TSPAN15: variants seen among roughly 807,000 people sequenced by gnomAD.
The protein encoded by TSPAN15 is tetraspanin-15.
Under a neutral mutation model 34.5 loss-of-function variants are expected in TSPAN15, and 20 were observed. The observed-to-expected ratio is 0.58, with a 90% confidence interval of 0.41 to 0.84. TSPAN15 has a LOEUF of 0.84. Among genes scored for constraint, TSPAN15 ranks in the 40% least tolerant of loss-of-function variants. TSPAN15 has a pLI of 0.00. For missense variants in TSPAN15, 313 were observed against 386.1 expected, an observed-to-expected ratio of 0.81 and a Z score of 1.59; for synonymous variants, 155 against 153.9, an observed-to-expected ratio of 1.01 and a Z score of -0.05.
At chr10:69,508,214 T>C (rs1182949226), downstream of TSPAN15, among the ~76,000 whole-genome samples, 1 of 150,960 alleles carries the variant, frequency 6.6e-6, no homozygotes, top group African/African-American at 2.4e-5. Context: ...GAGGCTGAGG[T>C]GGGCCATCAC....
intron 1 of TSPAN15, among the ~76,000 whole-genome samples, chr10:69,482,776 C>T (rs1841762646): frequency 6.6e-6 from 1 of 152,152 alleles, no homozygotes; most frequent in African/African-American, 2.4e-5. Flanking sequence ...TGTTCTCTGA[C>T]CCTCCAGCCA....
In TSPAN15 at chr10:69,498,380, G is replaced by A. The variant is rs1564614695; in HGVS notation, c.554G>A (p.Cys185Tyr). The part of the protein sequence containing the change: ...GPLACGVPYT[C>Y]CIRNTTEVVN... ...CTGGCCTGTGGGGTGCCCTACACCT[G>A]CTGCATCAGGAACACGGTAGACACT... The change falls in exon 5 of 8, where the codon TGC (cysteine) becomes TAC (tyrosine). Residue 185 changes from cysteine to tyrosine, a missense_variant. By Grantham distance (194) the Cys-to-Tyr change is radical. Coordinates refer to ENST00000373290, the MANE Select transcript of TSPAN15 (RefSeq NM_012339.5). 4.3e-6 allele frequency: 7 copies of A among 1,613,972 alleles called. No homozygotes were observed. The highest frequency in any genetic ancestry group is 5.9e-6 in the Non-Finnish European group (7 of 1,179,908).
chr10:69,520,504 A>G, the TSPAN15 span, among the ~76,000 whole-genome samples: 1 of 152,166 alleles, frequency 6.6e-6, no homozygotes, highest in Non-Finnish European at 1.5e-5. Context: ...AAAAAATACA[A>G]AAATTAGCAG....
chr10:69,512,469 C>T (rs140294993), downstream of TSPAN15, among the ~76,000 whole-genome samples: 144 of 152,234 alleles, frequency 9.5e-4, no homozygotes, highest in African/African-American at 3.1e-3. Context: ...AAATAAACTG[C>T]GTGTATTTAA....
chr10:69,476,960 G>A (rs1427156661), intron 1 of TSPAN15, among the ~76,000 whole-genome samples: 1 of 152,076 alleles, frequency 6.6e-6, no homozygotes, highest in East Asian at 1.9e-4. Flanking sequence ...TGGATTGGGG[G>A]CACTGCCAGG....
chr10:69,530,779 A>ACTCTCTCT, the TSPAN15 span, among the ~76,000 whole-genome samples: 75 of 49,952 alleles, frequency 1.5e-3, 3 homozygotes, highest in African/African-American at 2.3e-3. Context: ...ACAGAGTGAG[A>ACTCTCTCT]CTCTCTCTCT....
At chr10:69,548,795 ATTCT>A in the TSPAN15 span, among the ~76,000 whole-genome samples, 1 of 152,292 alleles carries the variant, frequency 6.6e-6, no homozygotes, top group East Asian at 1.9e-4. Context: ...AGATAAAAAG[ATTCT>A]TAGAGTTCAC....
At chr10:69,514,358 A>G in the TSPAN15 span, among the ~76,000 whole-genome samples, 1 of 152,222 alleles carries the variant, frequency 6.6e-6, no homozygotes, top group Non-Finnish European at 1.5e-5. Flanking sequence ...TATCAGAGTC[A>G]TGCTGGCTTC....
rs774851861 is a variant in TSPAN15 at position 69,485,145 on chromosome 10, T to G, written c.287T>G (p.Met96Arg). The G allele has an allele frequency of 1.2e-6, 2 of 1,614,052 alleles. No homozygotes were observed. Among genetic ancestry groups the G allele is most frequent in the South Asian group, 2.2e-5 (2 of 91,092 alleles). The change falls in exon 3 of 8, where the codon ATG becomes AGG. Residue 96 changes from methionine to arginine, a missense_variant. Coordinates refer to ENST00000373290, the MANE Select transcript of TSPAN15 (RefSeq NM_012339.5). ...TCTCTGAATTCTGTTTTCCAGTTCATGTACATCCTTGGGATCTGCCTCATC... is the reference window on the plus strand; with the variant it reads ...TCTCTGAATTCTGTTTTCCAGTTCAGGTACATCCTTGGGATCTGCCTCATC... ...RDNLYLLQAF[M>R]YILGICLIME...
At chr10:69,477,512 A>T (rs1841642091) in intron 1 of TSPAN15, among the ~76,000 whole-genome samples, 1 of 152,142 alleles carries the variant, frequency 6.6e-6, no homozygotes, top group African/African-American at 2.4e-5. Flanking sequence ...TGCTGTCCAA[A>T]ATGTGGCCAC....
chr10:69,500,865 G>C (rs919721471), intron 5 of TSPAN15, among the ~76,000 whole-genome samples: 1 of 152,124 alleles, frequency 6.6e-6, no homozygotes, highest in African/African-American at 2.4e-5. Flanking sequence ...GTTATTGCAG[G>C]GGGCTGACAC....
chr10:69,525,289 A>T, the TSPAN15 span, among the ~76,000 whole-genome samples: 20,046 of 147,408 alleles, frequency 0.14, 3,193 homozygotes, highest in East Asian at 0.24. Context: ...AAATTATATA[A>T]AACTTACAGG....
chr10:69,540,266 G>A, the TSPAN15 span, among the ~76,000 whole-genome samples: 1 of 152,164 alleles, frequency 6.6e-6, no homozygotes, highest in Non-Finnish European at 1.5e-5. Flanking sequence ...GTGGTGGCAG[G>A]CACCTGTAGT....
At chr10:69,478,114 A>G (rs991735041) in intron 1 of TSPAN15, among the ~76,000 whole-genome samples, 1 of 152,076 alleles carries the variant, frequency 6.6e-6, no homozygotes, top group Non-Finnish European at 1.5e-5. Flanking sequence ...CTGCTCTGGG[A>G]CAGGAGAAGC....
At chr10:69,484,776 C>T (rs1227518639) in intron 2 of TSPAN15, among the ~76,000 whole-genome samples, 1 of 152,178 alleles carries the variant, frequency 6.6e-6, no homozygotes, top group Non-Finnish European at 1.5e-5. Context: ...CATACTGCCC[C>T]AGCCTGCCCA....
intron 5 of TSPAN15, among the ~76,000 whole-genome samples, chr10:69,503,697 G>A (rs917700462): frequency 6.6e-6 from 1 of 152,140 alleles, no homozygotes; most frequent in Admixed American, 6.5e-5. Context: ...AGCGGGGCTG[G>A]GGGGGACGGT....
the TSPAN15 span, among the ~76,000 whole-genome samples, chr10:69,537,543 A>T: frequency 1.3e-5 from 2 of 152,126 alleles, no homozygotes; most frequent in African/African-American, 4.8e-5. Flanking sequence ...TCTGGTAGTT[A>T]CTTGGCTTGT....
At chr10:69,453,539 A>G (rs1370269066) in intron 1 of TSPAN15, among the ~76,000 whole-genome samples, 2 of 152,182 alleles carry the variant, frequency 1.3e-5, no homozygotes, top group Non-Finnish European at 2.9e-5. Flanking sequence ...CCCCAGATAT[A>G]TAATCACAAA....
At chr10:69,457,428 A>T (rs1401477169) in intron 1 of TSPAN15, among the ~76,000 whole-genome samples, 2 of 152,224 alleles carry the variant, frequency 1.3e-5, no homozygotes, top group Non-Finnish European at 2.9e-5. Flanking sequence ...GACTCTCCAC[A>T]GAGCACCAAG....
Sources: allele counts gnomAD v4.1 joint callset (sites outside exome capture counted in the v4.1 genomes callset), GRCh38; gene constraint gnomAD v4.1.1; transcripts MANE v1.5; gene names NCBI Gene and HGNC (gene_info 2026-07-23, HGNC 2026-07-21).